The following SPOCK3 variants were observed in gnomAD, a reference collection of about 807,000 sequenced individuals.
SPOCK3 encodes the protein SPARC (osteonectin), cwcv and kazal like domains proteoglycan 3.
In SPOCK3, 30 loss-of-function variants were observed where a neutral mutation model predicts 56.6. The ratio of observed to expected loss-of-function variants is 0.53; its 90% CI spans 0.40 to 0.72. SPOCK3 has a LOEUF of 0.72. Ranked by LOEUF, SPOCK3 falls within the 30% of genes least tolerant of loss-of-function variation. The probability of loss-of-function intolerance (pLI) is 0.00; values close to 1 mark genes in which losing one functional copy is unlikely to be tolerated. For missense variants in SPOCK3, 527 were observed against 530.0 expected (o/e 0.99, Z 0.06); for synonymous variants, 196 against 183.3 (o/e 1.07, Z -0.56).
chr4:166,833,814 C>T (rs1359806944), intron 6 of SPOCK3, among the ~76,000 whole-genome samples: 2 of 152,084 alleles, frequency 1.3e-5, no homozygotes, highest in South Asian at 2.1e-4. Flanking sequence ...CCAGTGGTAG[C>T]CAAACTCTGT....
At chr4:166,895,680 C>T (rs1266497781) in intron 5 of SPOCK3, among the ~76,000 whole-genome samples, 1 of 152,066 alleles carries the variant, frequency 6.6e-6, no homozygotes, top group Non-Finnish European at 1.5e-5. Flanking sequence ...GTTTATTATG[C>T]TTAAGAAATA....
intron 2 of SPOCK3, among the ~76,000 whole-genome samples, chr4:167,114,877 C>G (rs1008535368): frequency 4.6e-4 from 70 of 151,492 alleles, no homozygotes; most frequent in African/African-American, 1.6e-3. Flanking sequence ...AAGACTCCAG[C>G]ATTCATGGAA....
At chr4:166,980,189 A>T (rs1382691247) in intron 4 of SPOCK3, among the ~76,000 whole-genome samples, 1 of 152,256 alleles carries the variant, frequency 6.6e-6, no homozygotes, top group African/African-American at 2.4e-5. Flanking sequence ...TTCTTCACTT[A>T]AAGAAAAACA....
At chr4:166,747,360 A>T (rs1735771457) in intron 8 of SPOCK3, among the ~76,000 whole-genome samples, 1 of 152,244 alleles carries the variant, frequency 6.6e-6, no homozygotes, top group Non-Finnish European at 1.5e-5. Context: ...AATCCATCAC[A>T]AAAAGAGAAC....
At chr4:167,093,246 C>T (rs1473274813) in intron 2 of SPOCK3, among the ~76,000 whole-genome samples, 2 of 151,968 alleles carry the variant, frequency 1.3e-5, no homozygotes, top group Admixed American at 6.6e-5. Flanking sequence ...CTCAATTCCC[C>T]AATAATCAAT....
At chr4:166,789,696 C>T (rs1741130726) in intron 7 of SPOCK3, among the ~76,000 whole-genome samples, 1 of 151,990 alleles carries the variant, frequency 6.6e-6, no homozygotes. Context: ...AAATTCACTA[C>T]TAATAAATAA....
chr4:166,891,510 G>A (rs1734782759), intron 5 of SPOCK3, among the ~76,000 whole-genome samples: 1 of 151,704 alleles, frequency 6.6e-6, no homozygotes, highest in Admixed American at 6.6e-5. Flanking sequence ...GTTTATAGTA[G>A]CATATTCATC....
At chr4:166,896,575 G>C (rs1012490048) in intron 5 of SPOCK3, among the ~76,000 whole-genome samples, 2 of 152,120 alleles carry the variant, frequency 1.3e-5, no homozygotes, top group Non-Finnish European at 2.9e-5. Flanking sequence ...CCTATCTCTC[G>C]GTAAGGATGT....
intron 6 of SPOCK3, among the ~76,000 whole-genome samples, chr4:166,828,888 G>T (rs1367638494): frequency 6.6e-6 from 1 of 151,938 alleles, no homozygotes; most frequent in Non-Finnish European, 1.5e-5. Context: ...AATGTATCTT[G>T]CTTTTAATAG....
chr4:166,785,011 T>C (rs922644166), intron 7 of SPOCK3, among the ~76,000 whole-genome samples: 1 of 152,088 alleles, frequency 6.6e-6, no homozygotes, highest in Non-Finnish European at 1.5e-5. Flanking sequence ...TGCTATGCAA[T>C]TTTTGGAGAT....
intron 6 of SPOCK3, among the ~76,000 whole-genome samples, chr4:166,883,927 C>G (rs1733930701): frequency 6.6e-6 from 1 of 152,084 alleles, no homozygotes; most frequent in Non-Finnish European, 1.5e-5. Flanking sequence ...CATGGTAGTT[C>G]ACTATTATCT....
At chr4:166,962,009 C>T (rs73861915) in intron 4 of SPOCK3, among the ~76,000 whole-genome samples, 8,183 of 152,092 alleles carry the variant, frequency 0.054, 717 homozygotes, top group African/African-American at 0.19. Flanking sequence ...TAGGCTGCCT[C>T]CATTCCTTAG....
At chr4:167,060,439 GATT>G (rs753858895) in intron 3 of SPOCK3, among the ~76,000 whole-genome samples, 14 of 151,940 alleles carry the variant, frequency 9.2e-5, no homozygotes, top group South Asian at 4.2e-4. Context: ...ATGGAAATAG[GATT>G]ATTTTGCTCA....
At chr4:166,996,732 T>C (rs962779252) in intron 4 of SPOCK3, among the ~76,000 whole-genome samples, 11 of 152,166 alleles carry the variant, frequency 7.2e-5, no homozygotes, top group Non-Finnish European at 1.5e-5. Flanking sequence ...TATCCAAATA[T>C]ATGACTTTGA....
chr4:166,985,826 A>T (rs984194057), intron 4 of SPOCK3, among the ~76,000 whole-genome samples: 1 of 152,182 alleles, frequency 6.6e-6, no homozygotes, highest in African/African-American at 2.4e-5. Flanking sequence ...ATCTCAATAG[A>T]AAATTGCAAT....
Position 166,921,925 on chromosome 4 carries a change from C to T in SPOCK3, c.351-9182G>A, listed in dbSNP as rs375791647. Among the ~76,000 whole-genome samples the T allele has an allele frequency of 1.2e-3, 187 of 152,172 alleles. 1 individual carries two copies. The Middle Eastern group carries it at 0.017, about 14-fold the overall frequency. ...TACTGTTTAGTTATTTGCTCATAAACGTACAACGGGGGTCCCCAAAAGCCA... is the reference window on the plus strand; with the variant it reads ...TACTGTTTAGTTATTTGCTCATAAATGTACAACGGGGGTCCCCAAAAGCCA... On this transcript the variant is annotated intron_variant, in intron 4 of 10. Coordinates refer to ENST00000357545, the MANE Select transcript of SPOCK3 (RefSeq NM_001040159.2).
Position 167,093,307 on chromosome 4 carries a change from TTTTTA to T in SPOCK3, c.190-30775_190-30771del, listed in dbSNP as rs750529002. On this transcript the variant is annotated intron_variant, in intron 2 of 10. Transcript: ENST00000357545. ...TATATCCCTTAATTTTATGAGTCTT[TTTTTA>T]TTTTAAGTTCAGGATACATGTGCAG... 5.5e-4 allele frequency among the ~76,000 whole-genome samples: 84 copies of T among 152,292 alleles called. No individual in the cohort carries two copies. In the Middle Eastern group the frequency reaches 0.014, roughly 25 times the overall value.
At chr4:166,746,666 A>AC (rs1735656327) in intron 8 of SPOCK3, among the ~76,000 whole-genome samples, 1 of 152,182 alleles carries the variant, frequency 6.6e-6, no homozygotes, top group African/African-American at 2.4e-5. Flanking sequence ...AAGACACAAA[A>AC]TCCCTTCAAA....
At chr4:167,110,909 GTTTAC>G (rs1760848253) in intron 2 of SPOCK3, among the ~76,000 whole-genome samples, 1 of 151,708 alleles carries the variant, frequency 6.6e-6, no homozygotes, top group Admixed American at 6.6e-5. Context: ...AGATTTTATT[GTTTAC>G]TTTCTTTCAT....
Sources: gnomAD v4.1 joint callset for allele counts (sites outside exome capture counted in the v4.1 genomes callset) on GRCh38, gnomAD v4.1.1 for gene constraint, MANE v1.5 for transcripts, NCBI Gene and HGNC (gene_info 2026-07-23, HGNC 2026-07-21) for gene names.